The following BCAS4 variants were observed in gnomAD, a reference collection of about 807,000 sequenced individuals.
BCAS4 encodes the protein breast carcinoma amplified sequence 4.
BCAS4 carries 9 observed loss-of-function variants against 15.7 expected under a neutral mutation model. The observed-to-expected ratio is 0.57, with a 90% CI of 0.34 to 1.00. BCAS4 has a LOEUF of 1.00. BCAS4 is among the 50% of genes least tolerant of loss of function. The pLI, the probability that BCAS4 is intolerant of heterozygous loss-of-function variation, is 0.02. For missense variants in BCAS4, 225 were observed against 239.1 expected (o/e 0.94, Z 0.39); for synonymous variants, 101 against 99.5 (o/e 1.02, Z -0.09).
At chr20:50,834,342 C>T (rs2088381654) in intron 3 of BCAS4, among the ~76,000 whole-genome samples, 1 of 135,980 alleles carries the variant, frequency 7.4e-6, no homozygotes, top group Non-Finnish European at 1.5e-5. Context: ...GTTGCCCAGG[C>T]TGGAGTGCAG....
intron 2 of BCAS4, among the ~76,000 whole-genome samples, chr20:50,818,875 CAG>C (rs1318668953): frequency 6.6e-6 from 1 of 152,200 alleles, no homozygotes; most frequent in African/African-American, 2.4e-5. Flanking sequence ...CCTCCCACGC[CAG>C]AGTCTCTAGA....
chr20:50,859,930 A>C (rs767583667), intron 4 of BCAS4, among the ~76,000 whole-genome samples: 5 of 152,174 alleles, frequency 3.3e-5, no homozygotes, highest in Non-Finnish European at 7.4e-5. Flanking sequence ...GCTTGAACCC[A>C]GGATTTCGAG....
In BCAS4 at chr20:50,830,597, C is replaced by A. The variant is rs1336436834; in HGVS notation, c.264+217C>A. On this transcript the variant is annotated intron_variant, in intron 3 of 4. Transcript: ENST00000371608. ...AGGTGCAGTGGCTCATGCCTGTAAT[C>A]CCAGCATTTTGGGAAGCCAATGTGG... Among the ~76,000 whole-genome samples, 3 of 152,328 alleles carry A rather than the reference C, an allele frequency of 2.0e-5. No individual in the cohort carries two copies. In the East Asian group the frequency reaches 5.8e-4, roughly 29 times the overall value.
chr20:50,831,605 C>T (rs1203822895), intron 3 of BCAS4, among the ~76,000 whole-genome samples: 2 of 152,138 alleles, frequency 1.3e-5, no homozygotes, highest in African/African-American at 4.8e-5. Flanking sequence ...CCCCTCACTG[C>T]CCCCATCTCC....
downstream of BCAS4, chr20:50,881,468 T>C (rs919544907): frequency 2.0e-5 from 3 of 151,770 alleles, no homozygotes; most frequent in Non-Finnish European, 4.4e-5. Flanking sequence ...AAAGGGATAA[T>C]CTCCCTAAAA....
intron 1 of BCAS4, among the ~76,000 whole-genome samples, chr20:50,809,645 G>A (rs2088036440): frequency 1.3e-5 from 2 of 152,182 alleles, no homozygotes; most frequent in South Asian, 4.1e-4. Flanking sequence ...CATGAAGAAC[G>A]ATGGTGGTAT....
At chr20:50,882,649 A>C in the BCAS4 span, 1 of 152,240 alleles carries the variant, frequency 6.6e-6, no homozygotes, top group African/African-American at 2.4e-5. Flanking sequence ...AGTTGCCACC[A>C]ATTAAAAATT....
At chr20:50,802,600 G>C (rs768977411) in intron 1 of BCAS4, among the ~76,000 whole-genome samples, 38 of 152,346 alleles carry the variant, frequency 2.5e-4, no homozygotes, top group Middle Eastern at 3.4e-3. Flanking sequence ...GGCCAGGCAT[G>C]TTGGCCCACG....
chr20:50,824,266 G>T (rs1240260252), intron 2 of BCAS4, among the ~76,000 whole-genome samples: 1 of 152,230 alleles, frequency 6.6e-6, no homozygotes, highest in Non-Finnish European at 1.5e-5. Flanking sequence ...AACATTTCCT[G>T]TTGGCCTTGG....
intron 3 of BCAS4, among the ~76,000 whole-genome samples, chr20:50,836,140 A>T (rs939371823): frequency 1.3e-5 from 2 of 151,748 alleles, no homozygotes; most frequent in African/African-American, 4.8e-5. Flanking sequence ...CTGGTCCCGA[A>T]CTCCTGACCT....
At position 50,834,931 on chromosome 20, in the gene BCAS4, C is replaced by G. The variant is rs866809279; in HGVS notation, c.264+4551C>G. The stretch of plus-strand genomic sequence containing the variant: ...GTCATCTTTTGGTATATGGCTGGAC[C>G]ATACTTCATTTGTCCATGCATTAGC... On this transcript the variant is annotated intron_variant, in intron 3 of 4. Transcript: ENST00000371608. Among the ~76,000 whole-genome samples the G allele has an allele frequency of 2.5e-4, 38 of 152,304 alleles. 1 individual carries two copies. Among genetic ancestry groups the G allele is most frequent in the African/African-American group, 8.2e-4 (34 of 41,560 alleles).
intron 4 of BCAS4, among the ~76,000 whole-genome samples, chr20:50,869,798 G>T (rs1979543161): frequency 7.0e-6 from 1 of 142,116 alleles, no homozygotes; most frequent in African/African-American, 2.7e-5. Flanking sequence ...GCCCAGGCTG[G>T]AGTGCAGTGG....
Position 50,874,584 on chromosome 20 carries a change from C to T in BCAS4, c.400-1902C>T, listed in dbSNP as rs574506292. 5.9e-5 allele frequency among the ~76,000 whole-genome samples: 9 copies of T among 152,226 alleles called. No homozygotes were observed. The South Asian group carries it at 8.3e-4, about 14-fold the overall frequency. Reference sequence around the variant, plus strand: ...AGGGCTGGGATGGTTGTCTTGTTCACAGCTGTGTCCTCAGTGCACAGGACA... The same window carrying T: ...AGGGCTGGGATGGTTGTCTTGTTCATAGCTGTGTCCTCAGTGCACAGGACA... On this transcript the variant is annotated intron_variant, in intron 4 of 4. Coordinates refer to ENST00000371608, the MANE Select transcript of BCAS4 (RefSeq NM_198799.4).
chr20:50,877,514 A>C (rs1338938349), downstream of BCAS4: 1 of 152,286 alleles, frequency 6.6e-6, no homozygotes, highest in Non-Finnish European at 1.5e-5. Flanking sequence ...GAACACACAC[A>C]TAATTCCCCT....
intron 4 of BCAS4, among the ~76,000 whole-genome samples, chr20:50,857,183 G>A (rs1283838090): frequency 6.6e-6 from 1 of 152,182 alleles, no homozygotes; most frequent in African/African-American, 2.4e-5. Flanking sequence ...CCAGGCCGGA[G>A]TGCAATGGCG....
intron 3 of BCAS4, among the ~76,000 whole-genome samples, chr20:50,837,675 C>T (rs760947195): frequency 2.6e-5 from 4 of 152,200 alleles, no homozygotes; most frequent in South Asian, 2.1e-4. Context: ...TCCCCGGAGT[C>T]GGAGCTGCCC....
chr20:50,820,068 G>A (rs2088195060), intron 2 of BCAS4, among the ~76,000 whole-genome samples: 1 of 152,154 alleles, frequency 6.6e-6, no homozygotes, highest in African/African-American at 2.4e-5. Context: ...GTCTTGAACT[G>A]CTGGCCTTAA....
intron 4 of BCAS4, among the ~76,000 whole-genome samples, chr20:50,864,267 G>C (rs552957487): frequency 6.6e-6 from 1 of 152,270 alleles, no homozygotes; most frequent in African/African-American, 2.4e-5. Flanking sequence ...GGCCGGCCTG[G>C]TCTGTTGTAC....
intron 4 of BCAS4, among the ~76,000 whole-genome samples, chr20:50,854,240 G>C (rs1226371363): frequency 6.6e-6 from 1 of 152,104 alleles, no homozygotes; most frequent in African/African-American, 2.4e-5. Flanking sequence ...CCTTGGGAGA[G>C]TCTCAACCTC....
Sources: allele counts gnomAD v4.1 joint callset (sites outside exome capture counted in the v4.1 genomes callset), GRCh38; gene constraint gnomAD v4.1.1; transcripts MANE v1.5; gene names NCBI Gene and HGNC (gene_info 2026-07-23, HGNC 2026-07-21).